Variants in PIK3C2A observed in about 807,000 individuals in gnomAD.
PIK3C2A encodes phosphatidylinositol 4-phosphate 3-kinase C2 domain-containing subunit alpha.
PIK3C2A carries 97 observed loss-of-function variants against 204.5 expected under a neutral mutation model. The observed-to-expected ratio is 0.47, with a 90% CI of 0.40 to 0.56. The LOEUF (loss-of-function observed/expected upper bound fraction) is 0.56, where lower values mean the gene tolerates loss of function less well. Among genes scored for constraint, PIK3C2A ranks in the 20% least tolerant of loss-of-function variants. The pLI is 0.00. For synonymous variants in PIK3C2A, 653 were observed against 664.4 expected, an observed-to-expected ratio of 0.98 and a Z score of 0.26; for missense variants, 1,735 against 1,969.2, an observed-to-expected ratio of 0.88 and a Z score of 2.25.
At chr11:17,117,789 C>T (rs17847730) in intron 18 of PIK3C2A, 118 bp from the exon 19 acceptor site, 1 of 559,750 alleles carries the variant, frequency 1.8e-6, no homozygotes, top group South Asian at 2.6e-5. Flanking sequence ...TCTCGGCTCA[C>T]TGCAAGCTCT....
At chr11:17,100,692 C>T (rs1036859497) in intron 25 of PIK3C2A, among the ~76,000 whole-genome samples, 2 of 152,150 alleles carry the variant, frequency 1.3e-5, no homozygotes, top group African/African-American at 4.8e-5. Flanking sequence ...TCCTACCCTC[C>T]CAAGTCTCCA....
intron 2 of PIK3C2A, among the ~76,000 whole-genome samples, chr11:17,167,794 G>C (rs990100102): frequency 2.6e-5 from 4 of 152,106 alleles, no homozygotes; most frequent in African/African-American, 9.7e-5. Context: ...TGAGAATGAG[G>C]CTTAAACATT....
At chr11:17,103,081 C>CCTA (rs751907189) in intron 23 of PIK3C2A, among the ~76,000 whole-genome samples, 5 of 151,780 alleles carry the variant, frequency 3.3e-5, no homozygotes, top group Non-Finnish European at 7.4e-5. Flanking sequence ...TCTACCAGTC[C>CCTA]CTACTTAGGT....
chr11:17,108,627 A>C (rs1848906424), intron 22 of PIK3C2A, among the ~76,000 whole-genome samples: 2 of 152,202 alleles, frequency 1.3e-5, no homozygotes. Flanking sequence ...CTCTGAAAAA[A>C]GAAAGAAAAC....
rs371383902 is a variant in PIK3C2A, at chr11:17,087,852, A to C, written c.*1886T>G. The stretch of plus-strand genomic sequence containing the variant: ...GACAACACATTTTAACATTTAAAAA[A>C]GACATTCATATACCATACTCATGGG... On this transcript the variant is annotated 3_prime_UTR_variant, in exon 33 of 33. Coordinates refer to ENST00000691414, the MANE Select transcript of PIK3C2A (RefSeq NM_002645.4). The C allele has an allele frequency of 9.2e-5, 14 of 152,254 alleles. No individual in the cohort carries two copies. Among genetic ancestry groups the C allele is most frequent in the East Asian group, 3.8e-4 (2 of 5,204 alleles). 9.4% of individuals were successfully genotyped at this position (152,254 alleles called of 1,614,324 possible).
chr11:17,166,774 A>G (rs533046298), intron 2 of PIK3C2A, among the ~76,000 whole-genome samples: 1 of 152,266 alleles, frequency 6.6e-6, no homozygotes, highest in East Asian at 1.9e-4. Context: ...AACAGCTGAC[A>G]TCTTAAATCC....
intron 1 of PIK3C2A, among the ~76,000 whole-genome samples, chr11:17,170,930 C>T (rs750784949): frequency 2.0e-4 from 30 of 152,062 alleles, no homozygotes; most frequent in East Asian, 5.8e-4. Context: ...AGTGAAACCC[C>T]GTCTCTACTA....
chr11:17,134,710 A>G, intron 11 of PIK3C2A, 109 bp downstream of exon 11: 1 of 795,878 alleles, frequency 1.3e-6, no homozygotes, highest in South Asian at 1.5e-5. Flanking sequence ...CTCATTGCCA[A>G]GGCTGGTCTC....
chr11:17,101,810 A>C (rs906729879), intron 24 of PIK3C2A, among the ~76,000 whole-genome samples: 6 of 151,610 alleles, frequency 4.0e-5, no homozygotes, highest in Admixed American at 2.0e-4. Flanking sequence ...TCACCGTGTT[A>C]GCCAGGATGG....
At chr11:17,195,548 C>T (rs1414720919) in intron 1 of PIK3C2A, among the ~76,000 whole-genome samples, 1 of 151,258 alleles carries the variant, frequency 6.6e-6, no homozygotes, top group Non-Finnish European at 1.5e-5. Context: ...GGTGAAACTC[C>T]ATCTCTACCA....
intron 18 of PIK3C2A, among the ~76,000 whole-genome samples, 192 bp downstream of exon 18, chr11:17,118,453 C>A (rs762468987): frequency 6.6e-6 from 1 of 152,034 alleles, no homozygotes; most frequent in Non-Finnish European, 1.5e-5. Flanking sequence ...CTATAAGACA[C>A]CAAATTTTTG....
chr11:17,122,329 T>C lies in PIK3C2A; in HGVS notation c.2516A>G (p.Asp839Gly), dbSNP rs1467241110. ...YVMERIVLQV[D>G]FPSPAFDIIY... ...AATATCAAATGCAGGAGAAGGAAAA[T>C]CAACCTTTAAAATTTAACAGAAATT... is the stretch of plus-strand genomic sequence containing the variant. The change falls in exon 15 of 33, where the codon GAT becomes GGT. Residue 839 changes from aspartate to glycine, a missense_variant. Coordinates refer to ENST00000691414, the MANE Select transcript of PIK3C2A (RefSeq NM_002645.4). 1.3e-6 allele frequency: 2 copies of C among 1,533,780 alleles called. No homozygotes were observed. Among genetic ancestry groups the C allele is most frequent in the African/African-American group, 1.4e-5 (1 of 72,696 alleles).
At chr11:17,105,910 AC>A (rs1848796677) in intron 22 of PIK3C2A, among the ~76,000 whole-genome samples, 1 of 152,036 alleles carries the variant, frequency 6.6e-6, no homozygotes, top group Non-Finnish European at 1.5e-5. Flanking sequence ...GGAGTTTGAG[AC>A]CAGCCTGGCC....
rs774332927 is a variant in PIK3C2A, at chr11:17,114,431, G to A, written c.3251C>T (p.Ser1084Phe). 3.8e-6 allele frequency: 6 copies of A among 1,586,026 alleles called. No individual in the cohort carries two copies. The Admixed American group carries it at 8.3e-5, about 22-fold the overall frequency. The part of the protein sequence containing the change: ...VLQRSMERVQ[S>F]FFQKNKCRLP... ...ACGGCATTTATTTTTCTGAAAAAAG[G>A]ACTGTACTCGTTCCATACTTCTTTG... Residue 1084 changes from serine (S) to phenylalanine (F), a missense_variant, in exon 20 of 33, where the codon TCC becomes TTC. Ser to Phe is a radical substitution (Grantham distance 155). This residue lies in a region of PIK3C2A where 567 missense variants were observed against 576.0 expected (regional missense o/e 0.98). Transcript: ENST00000691414.
intron 1 of PIK3C2A, among the ~76,000 whole-genome samples, chr11:17,174,876 G>A (rs1381235600): frequency 6.6e-6 from 1 of 151,778 alleles, no homozygotes; most frequent in Non-Finnish European, 1.5e-5. Flanking sequence ...CTCCAGCCTT[G>A]GCAACAAGAG....
intron 22 of PIK3C2A, 50 bp downstream of exon 22, chr11:17,110,382 C>T (rs770626970): frequency 2.0e-6 from 3 of 1,478,220 alleles, no homozygotes; most frequent in South Asian, 1.3e-5. Context: ...ACACTTTAAG[C>T]TAAGTTCAAG....
chr11:17,191,895 C>T (rs59310236), intron 1 of PIK3C2A, among the ~76,000 whole-genome samples: 250 of 149,848 alleles, frequency 1.7e-3, no homozygotes, highest in African/African-American at 5.6e-3. Flanking sequence ...CACTTTGGGA[C>T]GTCAAGGTGG....
At chr11:17,106,738 A>T (rs1848833870) in intron 22 of PIK3C2A, among the ~76,000 whole-genome samples, 1 of 151,976 alleles carries the variant, frequency 6.6e-6, no homozygotes, top group Non-Finnish European at 1.5e-5. Flanking sequence ...CACCGTGCCC[A>T]GTGAGGAAAA....
intron 27 of PIK3C2A, 24 bp downstream of exon 27, chr11:17,097,033 T>G: frequency 7.6e-7 from 1 of 1,323,940 alleles, no homozygotes; most frequent in South Asian, 1.2e-5. Flanking sequence ...CATGATTGTT[T>G]ATGAATATTG....
Sources: gnomAD v4.1 joint callset for allele counts (sites outside exome capture counted in the v4.1 genomes callset) on GRCh38, gnomAD v4.1.1 for gene constraint, gnomAD v4.1.1 regional missense constraint, MANE v1.5 for transcripts, NCBI Gene and HGNC (gene_info 2026-07-23, HGNC 2026-07-21) for gene names.